PRR5: variants seen among roughly 807,000 people sequenced by gnomAD.
PRR5 encodes proline-rich protein 5.
Under a neutral mutation model 30.6 loss-of-function variants are expected in PRR5, and 25 were observed. The ratio of observed to expected loss-of-function variants is 0.82; its 90% CI spans 0.60 to 1.14. The LOEUF is 1.14. Among genes scored for constraint, PRR5 ranks in the 50% most tolerant of loss-of-function variants. The pLI is 0.00. For synonymous variants in PRR5, 286 were observed against 247.1 expected (o/e 1.16, Z -1.48); for missense variants, 600 against 547.1 (o/e 1.10, Z -0.96).
At chr22:44,709,366 G>C (rs1291474145) in intron 1 of PRR5, among the ~76,000 whole-genome samples, 1 of 152,198 alleles carries the variant, frequency 6.6e-6, no homozygotes, top group African/African-American at 2.4e-5. Context: ...AAGGGACAGA[G>C]ATGCAGTGAC....
At chr22:44,694,568 C>T (rs772766808) in intron 1 of PRR5, among the ~76,000 whole-genome samples, 2 of 152,104 alleles carry the variant, frequency 1.3e-5, no homozygotes, top group Non-Finnish European at 2.9e-5. Context: ...CTGGCAGACA[C>T]AGGCATGGTC....
intron 5 of PRR5, among the ~76,000 whole-genome samples, 193 bp downstream of exon 5, chr22:44,732,014 C>T (rs960443065): frequency 3.3e-5 from 5 of 152,234 alleles, no homozygotes; most frequent in Non-Finnish European, 7.3e-5. Flanking sequence ...CGCCTCCCTC[C>T]CTGTGAATCC....
chr22:44,713,469 G>A (rs940021523), intron 1 of PRR5, among the ~76,000 whole-genome samples: 1 of 152,206 alleles, frequency 6.6e-6, no homozygotes, highest in South Asian at 2.1e-4. Context: ...CTGACCTCAG[G>A]TGATCCACCC....
chr22:44,718,924 T>G (rs1929515107), intron 2 of PRR5, among the ~76,000 whole-genome samples: 1 of 152,226 alleles, frequency 6.6e-6, no homozygotes. Context: ...TTTGTAAATC[T>G]TTCCTCCCAT....
chr22:44,716,060 C>G (rs980962456), intron 2 of PRR5, among the ~76,000 whole-genome samples: 1 of 152,212 alleles, frequency 6.6e-6, no homozygotes, highest in African/African-American at 2.4e-5. Flanking sequence ...TTGGTGTGAA[C>G]AGCATTGGTA....
intron 4 of PRR5, among the ~76,000 whole-genome samples, chr22:44,727,481 A>G (rs183361115): frequency 1.3e-5 from 2 of 152,246 alleles, no homozygotes; most frequent in Admixed American, 1.3e-4. Context: ...GACTGCCCCG[A>G]GTGTTTCACA....
upstream of PRR5, among the ~76,000 whole-genome samples, chr22:44,676,390 C>CAAAAAAAAAAAAAAA (rs59016907): frequency 3.8e-4 from 14 of 36,956 alleles, no homozygotes; most frequent in Non-Finnish European, 6.6e-4. Context: ...GACCCTGTCT[C>CAAAAAAAAAAAAAAA]AAAAAAAAAA....
intron 1 of PRR5, among the ~76,000 whole-genome samples, chr22:44,696,763 G>T (rs1925788969): frequency 2.4e-5 from 3 of 123,000 alleles, no homozygotes; most frequent in African/African-American, 1.1e-4. Context: ...TTGAGATGCA[G>T]TCCTGCTCTG....
At chr22:44,724,134 C>T (rs1223549405) in intron 2 of PRR5, among the ~76,000 whole-genome samples, 3 of 152,140 alleles carry the variant, frequency 2.0e-5, no homozygotes, top group Admixed American at 2.0e-4. Context: ...TAATTCAGGA[C>T]TGATTAGAAA....
At chr22:44,701,492 T>C (rs976019725), upstream of PRR5, among the ~76,000 whole-genome samples, 11 of 152,362 alleles carry the variant, frequency 7.2e-5, no homozygotes, top group African/African-American at 2.4e-4. Context: ...CATCTAAAAG[T>C]GCTCTGCGAA....
upstream of PRR5, among the ~76,000 whole-genome samples, chr22:44,699,873 C>G (rs988156376): frequency 6.6e-5 from 10 of 152,036 alleles, no homozygotes; most frequent in Non-Finnish European, 4.4e-5. Flanking sequence ...TGTTTTCATT[C>G]TTTTCAGAGA....
intron 2 of PRR5, among the ~76,000 whole-genome samples, chr22:44,719,470 A>G (rs1170249089): frequency 2.6e-5 from 4 of 152,046 alleles, no homozygotes; most frequent in Non-Finnish European, 5.9e-5. Flanking sequence ...ATGGCTTTGG[A>G]TGACATTATC....
intron 1 of PRR5, among the ~76,000 whole-genome samples, chr22:44,696,325 C>T (rs1480630699): frequency 6.6e-6 from 1 of 152,174 alleles, no homozygotes; most frequent in African/African-American, 2.4e-5. Flanking sequence ...CGAGCTTGGA[C>T]AGTCACCTCC....
intron 4 of PRR5, among the ~76,000 whole-genome samples, chr22:44,727,623 G>C (rs5765942): frequency 0.14 from 21,629 of 152,184 alleles, 1,659 homozygotes; most frequent in East Asian, 0.22. Context: ...AGGGTGCCAA[G>C]CAGGCCACCG....
chr22:44,710,139 G>T (rs1169507436), intron 1 of PRR5, among the ~76,000 whole-genome samples: 1 of 152,106 alleles, frequency 6.6e-6, no homozygotes, highest in Non-Finnish European at 1.5e-5. Context: ...CTCCCCCATG[G>T]CCTGTTCTGG....
At chr22:44,694,861 G>A (rs1242518483) in intron 1 of PRR5, among the ~76,000 whole-genome samples, 2 of 152,092 alleles carry the variant, frequency 1.3e-5, no homozygotes, top group African/African-American at 4.8e-5. Flanking sequence ...GGAAGGTATT[G>A]CAGCTATCAA....
At position 44,681,506 on chromosome 22, in the gene PRR5, T is replaced by C. The variant is rs142216131; in HGVS notation, c.-11+4266T>C. Among the ~76,000 whole-genome samples, 1,372 of 151,618 alleles carry C rather than the reference T, an allele frequency of 9.0e-3. 22 individuals carry two copies. Among genetic ancestry groups the C allele is most frequent in the African/African-American group, 0.031 (1,297 of 41,280 alleles). ...AGGAAGCTGAGGCGGGAGAATCGCT[T>C]GAAACCGGAAGGCAGAGGTTGCAGT... On this transcript the variant is annotated intron_variant, in intron 1 of 8. Transcript: ENST00000006251.
At chr22:44,678,432 A>G (rs1923964544) in intron 1 of PRR5, among the ~76,000 whole-genome samples, 1 of 148,398 alleles carries the variant, frequency 6.7e-6, no homozygotes, top group Non-Finnish European at 1.5e-5. Flanking sequence ...CTTCTGCCTC[A>G]GCCTCCCAAG....
chr22:44,729,143 C>T (rs537390035), intron 4 of PRR5, among the ~76,000 whole-genome samples: 2 of 152,306 alleles, frequency 1.3e-5, no homozygotes, highest in East Asian at 1.9e-4. Flanking sequence ...GTATGGGTCA[C>T]GTGACCCAGC....
Sources: allele counts gnomAD v4.1 joint callset (sites outside exome capture counted in the v4.1 genomes callset), GRCh38; gene constraint gnomAD v4.1.1; transcripts MANE v1.5; gene names NCBI Gene and HGNC (gene_info 2026-07-23, HGNC 2026-07-21).